The following RNF38 variants were observed in gnomAD, a reference collection of about 807,000 sequenced individuals.
RNF38 encodes the protein ring finger protein 38, also known as E3 ubiquitin-protein ligase RNF38.
RNF38 carries 15 observed loss-of-function variants against 67.2 expected under a neutral mutation model. The observed-to-expected ratio is 0.22, with a 90% CI of 0.15 to 0.34. The LOEUF (loss-of-function observed/expected upper bound fraction) is 0.34, where lower values mean the gene tolerates loss of function less well. Ranked by LOEUF, RNF38 falls within the 10% of genes least tolerant of loss-of-function variation. The pLI, the probability that RNF38 is intolerant of heterozygous loss-of-function variation, is 1.00. For synonymous variants in RNF38, 220 were observed against 218.8 expected, an observed-to-expected ratio of 1.01 and a Z score of -0.05; for missense variants, 524 against 639.9, an observed-to-expected ratio of 0.82 and a Z score of 1.95.
In RNF38 at chr9:36,428,454, C is replaced by CATAT. The variant is rs10588812; in HGVS notation, n.242-3775_242-3772dup. On this transcript the variant is annotated intron_variant and non_coding_transcript_variant, in intron 1 of 3. Transcript: ENST00000488058. ...AAAACTGTAGTACAACTATTGTTTA[C>CATAT]ATATATATATATATATATATACACG... Among the ~76,000 whole-genome samples the CATAT allele has an allele frequency of 8.4e-3, 1,222 of 146,134 alleles. 15 individuals are homozygous for CATAT. The highest frequency in any genetic ancestry group is 0.026 in the African/African-American group (1,012 of 39,176).
At chr9:36,453,184 G>A (rs187404575) in intron 1 of RNF38, among the ~76,000 whole-genome samples, 341 of 152,082 alleles carry the variant, frequency 2.2e-3, no homozygotes, top group African/African-American at 8.0e-3. Flanking sequence ...TATTATTATA[G>A]CCATCTTAAC....
At chr9:36,476,187 T>A (rs994732745) in intron 1 of RNF38, among the ~76,000 whole-genome samples, 2 of 152,096 alleles carry the variant, frequency 1.3e-5, no homozygotes, top group Non-Finnish European at 2.9e-5. Flanking sequence ...TGCAGTGGCG[T>A]GATCTCGACT....
At chr9:36,367,914 C>T (rs1371862513) in intron 4 of RNF38, among the ~76,000 whole-genome samples, 12 of 152,186 alleles carry the variant, frequency 7.9e-5, no homozygotes, top group African/African-American at 1.4e-4. Context: ...TGCAATGGCA[C>T]GAGCTTGGCT....
intron 8 of RNF38, among the ~76,000 whole-genome samples, chr9:36,352,111 C>T (rs1833736084): frequency 1.3e-5 from 2 of 152,048 alleles, no homozygotes; most frequent in South Asian, 4.1e-4. Flanking sequence ...AGCAGCCTGG[C>T]CAACATGGCG....
intron 8 of RNF38, 111 bp downstream of exon 8, chr9:36,352,631 A>G (rs923184477): frequency 3.6e-6 from 3 of 839,394 alleles, no homozygotes; most frequent in Non-Finnish European, 6.0e-6. Context: ...AACATTAAGT[A>G]AAGACAAATA....
intron 2 of RNF38, among the ~76,000 whole-genome samples, chr9:36,423,909 A>G (rs1283206814): frequency 2.5e-4 from 6 of 24,116 alleles, no homozygotes; most frequent in Non-Finnish European, 7.0e-4. Context: ...AGATTGCGCC[A>G]CTGCACTCCA....
intron 11 of RNF38, among the ~76,000 whole-genome samples, chr9:36,341,885 T>C (rs929003608): frequency 1.4e-4 from 9 of 65,060 alleles, no homozygotes; most frequent in African/African-American, 4.4e-4. Context: ...CCTGCAATAA[T>C]TTCACTCTGG....
intron 1 of RNF38, among the ~76,000 whole-genome samples, chr9:36,476,089 A>T (rs1180252968): frequency 6.6e-6 from 1 of 152,082 alleles, no homozygotes; most frequent in African/African-American, 2.4e-5. Flanking sequence ...TTAAGCTAAA[A>T]TAAGTCATTG....
chr9:36,370,246 ATAATT>A (rs1835274738), intron 3 of RNF38, among the ~76,000 whole-genome samples: 1 of 152,224 alleles, frequency 6.6e-6, no homozygotes, highest in South Asian at 2.1e-4. Context: ...ACAATTTCAT[ATAATT>A]TAACCTACCA....
At chr9:36,451,092 C>T (rs552260008) in intron 1 of RNF38, among the ~76,000 whole-genome samples, 6 of 152,294 alleles carry the variant, frequency 3.9e-5, no homozygotes, top group East Asian at 1.9e-4. Context: ...TGTGTTAATA[C>T]GCACCTTGGG....
chr9:36,362,555 G>A (rs1027308687), intron 4 of RNF38, among the ~76,000 whole-genome samples: 20 of 148,586 alleles, frequency 1.3e-4, no homozygotes, highest in African/African-American at 5.0e-4. Context: ...ATCCCCCAAC[G>A]ACCCCCTCCA....
At chr9:36,416,742 A>ATATT (rs1838481546) in intron 2 of RNF38, among the ~76,000 whole-genome samples, 1 of 63,470 alleles carries the variant, frequency 1.6e-5, no homozygotes, top group African/African-American at 6.5e-5. Flanking sequence ...CTGCCTCGAT[A>ATATT]TTTTTTTTTT....
intron 1 of RNF38, among the ~76,000 whole-genome samples, chr9:36,443,866 C>A (rs1839248395): frequency 6.6e-6 from 1 of 152,062 alleles, no homozygotes; most frequent in Admixed American, 6.6e-5. Flanking sequence ...ATAGGTGTTG[C>A]AAATTGAAAT....
chr9:36,340,702 A>C (rs1832768931), intron 11 of RNF38, among the ~76,000 whole-genome samples: 1 of 152,238 alleles, frequency 6.6e-6, no homozygotes, highest in South Asian at 2.1e-4. Flanking sequence ...ATGAAGTCAC[A>C]GAAAACATTT....
At chr9:36,452,703 T>C (rs1038282108) in intron 1 of RNF38, among the ~76,000 whole-genome samples, 1 of 152,084 alleles carries the variant, frequency 6.6e-6, no homozygotes, top group Non-Finnish European at 1.5e-5. Flanking sequence ...CAGCTAATTT[T>C]TGTATTTTTG....
Position 36,399,493 on chromosome 9 carries a change from A to AAC in RNF38, c.12+603_12+604insGT, listed in dbSNP as rs139632101. Among the ~76,000 whole-genome samples the AAC allele has an allele frequency of 7.8e-3, 1,145 of 146,428 alleles. 23 individuals carry two copies. In the East Asian group the frequency reaches 0.082, roughly 10 times the overall value. On this transcript the variant is annotated intron_variant, in intron 1 of 11. Transcript: ENST00000259605. The stretch of plus-strand genomic sequence containing the variant: ...AATATACCATATTATAAATATATAT[A>AAC]ATATATTATATAATACCATATTATA...
chr9:36,476,685 G>A (rs1222517661), intron 1 of RNF38, among the ~76,000 whole-genome samples: 2 of 151,612 alleles, frequency 1.3e-5, no homozygotes, highest in East Asian at 2.0e-4. Flanking sequence ...CACCATGCCC[G>A]GCTAACTTTT....
intron 1 of RNF38, among the ~76,000 whole-genome samples, chr9:36,484,747 G>A (rs896031093): frequency 6.6e-6 from 1 of 152,132 alleles, no homozygotes; most frequent in African/African-American, 2.4e-5. Context: ...CACGTGAAAC[G>A]ATTCTGTAAG....
At chr9:36,468,791 A>G (rs1275500027) in intron 1 of RNF38, among the ~76,000 whole-genome samples, 2 of 151,880 alleles carry the variant, frequency 1.3e-5, no homozygotes, top group African/African-American at 2.4e-5. Flanking sequence ...CAGCCTGAGC[A>G]ACAAGAGCAA....
Sources: allele counts gnomAD v4.1 joint callset (sites outside exome capture counted in the v4.1 genomes callset), GRCh38; gene constraint gnomAD v4.1.1; transcripts MANE v1.5; gene names NCBI Gene and HGNC (gene_info 2026-07-23, HGNC 2026-07-21).